LY6S: variants seen among roughly 807,000 people sequenced by gnomAD.
LY6S encodes the protein lymphocyte antigen 6 family member S.
At chr8:143,057,539 C>A in the LY6S span, 1 of 970,910 alleles carries the variant, frequency 1.0e-6, no homozygotes. Flanking sequence ...TGAGCCACTG[C>A]GCCTGGCTGC....
chr8:143,057,411 G>A, the LY6S span: 397 of 455,826 alleles, frequency 8.7e-4, 3 homozygotes, highest in South Asian at 7.1e-3. Flanking sequence ...CACCATGCCC[G>A]GCTACATTTT....
the LY6S span, chr8:143,044,147 C>G: frequency 2.2e-6 from 1 of 456,310 alleles, no homozygotes; most frequent in Non-Finnish European, 4.4e-6. Context: ...AGAGTCATTC[C>G]TTTAGCTTGA....
chr8:143,050,017 G>A, the LY6S span, among the ~76,000 whole-genome samples: 19 of 152,092 alleles, frequency 1.2e-4, no homozygotes, highest in African/African-American at 3.9e-4. Flanking sequence ...GAAACACCTC[G>A]TCCAGTTGTG....
the LY6S span, among the ~76,000 whole-genome samples, chr8:143,052,878 G>A: frequency 1.3e-5 from 2 of 152,184 alleles, no homozygotes; most frequent in Non-Finnish European, 2.9e-5. Context: ...TAGTCTTTTT[G>A]AAATGACTTA....
the LY6S span, among the ~76,000 whole-genome samples, chr8:143,046,707 G>A: frequency 1.3e-5 from 2 of 151,712 alleles, no homozygotes; most frequent in African/African-American, 4.8e-5. Flanking sequence ...TTAGTTCATA[G>A]TTTAGAGTAA....
chr8:143,045,102 G>A, the LY6S span, among the ~76,000 whole-genome samples: 11 of 152,244 alleles, frequency 7.2e-5, no homozygotes, highest in African/African-American at 2.4e-4. This position sits in a 1 kb window ranked among gnomAD's most constrained non-coding sequence, Gnocchi z 5.3. Context: ...CAGCACGCGC[G>A]GTAACAAGCA....
chr8:143,060,129 G>A, the LY6S span, among the ~76,000 whole-genome samples: 2 of 152,244 alleles, frequency 1.3e-5, no homozygotes, highest in Non-Finnish European at 2.9e-5. Context: ...ACAAGAGTGC[G>A]AGCCTTCTGT....
the LY6S span, among the ~76,000 whole-genome samples, chr8:143,047,360 T>C: frequency 6.6e-6 from 1 of 151,962 alleles, no homozygotes; most frequent in Non-Finnish European, 1.5e-5. Context: ...TTGGCCAGTC[T>C]CAAACTCCTG....
the LY6S span, among the ~76,000 whole-genome samples, chr8:143,073,194 T>C: frequency 9.1e-4 from 82 of 89,980 alleles, 3 homozygotes; most frequent in African/African-American, 4.6e-3. Flanking sequence ...GCCGTCGTCC[T>C]CGGGGTTCCT....
At chr8:143,069,623 G>T in the LY6S span, among the ~76,000 whole-genome samples, 1 of 152,220 alleles carries the variant, frequency 6.6e-6, no homozygotes, top group Admixed American at 6.5e-5. Flanking sequence ...ACACACAGGC[G>T]CTGTGCTCAG....
At chr8:143,056,666 T>G in the LY6S span, among the ~76,000 whole-genome samples, 1 of 152,100 alleles carries the variant, frequency 6.6e-6, no homozygotes, top group Non-Finnish European at 1.5e-5. Flanking sequence ...TATGCAAAAA[T>G]TTCTGATTAC....
At chr8:143,070,781 G>A in the LY6S span, among the ~76,000 whole-genome samples, 2 of 151,858 alleles carry the variant, frequency 1.3e-5, no homozygotes, top group African/African-American at 4.8e-5. Flanking sequence ...CACCGTGCCC[G>A]GCCGCAGTTG....
At chr8:143,062,911 A>C in the LY6S span, among the ~76,000 whole-genome samples, 1 of 152,218 alleles carries the variant, frequency 6.6e-6, no homozygotes, top group African/African-American at 2.4e-5. Context: ...ACCTTGGAGA[A>C]GAACAAGGGC....
At chr8:143,074,509 TA>T in the LY6S span, among the ~76,000 whole-genome samples, 2 of 151,374 alleles carry the variant, frequency 1.3e-5, no homozygotes, top group Non-Finnish European at 3.0e-5. Context: ...AATTGGTTAA[TA>T]TAATAAACAC....
At chr8:143,050,344 CT>C in the LY6S span, among the ~76,000 whole-genome samples, 1 of 152,004 alleles carries the variant, frequency 6.6e-6, no homozygotes, top group Non-Finnish European at 1.5e-5. Context: ...TCACGTCTGG[CT>C]AATTTTTGTA....
At chr8:143,073,061 G>T in the LY6S span, among the ~76,000 whole-genome samples, 21 of 143,034 alleles carry the variant, frequency 1.5e-4, no homozygotes, top group African/African-American at 4.4e-4. Flanking sequence ...GTCGTCCTCG[G>T]GGTCCCTGTT....
At chr8:143,063,705 G>A in the LY6S span, among the ~76,000 whole-genome samples, 1 of 152,186 alleles carries the variant, frequency 6.6e-6, no homozygotes. Flanking sequence ...TCAGTAGCGG[G>A]AAGTACAGTT....
the LY6S span, chr8:143,056,994 G>C: frequency 4.3e-6 from 1 of 233,384 alleles, no homozygotes; most frequent in Non-Finnish European, 9.4e-6. Context: ...CTTAGGAAAA[G>C]TGCTTCTAAA....
chr8:143,049,067 G>C, the LY6S span: 3 of 439,624 alleles, frequency 6.8e-6, no homozygotes, highest in African/African-American at 6.0e-5. Context: ...GACCCAGGAC[G>C]GTGTATGCCA....
Sources: gnomAD v4.1 joint callset for allele counts (sites outside exome capture counted in the v4.1 genomes callset) on GRCh38, gnomAD v4.1.1 for gene constraint, Gnocchi (gnomAD v3.1) non-coding constraint, MANE v1.5 for transcripts, NCBI Gene and HGNC (gene_info 2026-07-23, HGNC 2026-07-21) for gene names.